Variants in WWOX observed in about 807,000 individuals in gnomAD.
WWOX encodes the protein WW domain containing oxidoreductase.
A neutral mutation model predicts 46.2 loss-of-function variants in WWOX; 69 were observed. The ratio of observed to expected loss-of-function variants is 1.49; its 90% CI spans 1.23 to 1.82. The LOEUF is 1.82. Ranked by LOEUF, WWOX falls within the 40% of genes most tolerant of loss-of-function variation. The pLI, the probability that WWOX is intolerant of heterozygous loss-of-function variation, is 0.00. For synonymous variants in WWOX, 359 were observed against 202.6 expected, an observed-to-expected ratio of 1.77 and a Z score of -6.56; for missense variants, 919 against 542.6, an observed-to-expected ratio of 1.69 and a Z score of -6.89.
At chr16:79,022,233 A>G (rs772660982) in intron 8 of WWOX, among the ~76,000 whole-genome samples, 80 of 151,086 alleles carry the variant, frequency 5.3e-4, no homozygotes, top group African/African-American at 1.7e-3. Flanking sequence ...TCAGCGCCCA[A>G]TGGGCTGGGA....
At chr16:78,494,699 G>C (rs2084867436) in intron 8 of WWOX, among the ~76,000 whole-genome samples, 1 of 152,114 alleles carries the variant, frequency 6.6e-6, no homozygotes, top group South Asian at 2.1e-4. Context: ...CATTTTTTGA[G>C]GAAAATAAAT....
intron 8 of WWOX, among the ~76,000 whole-genome samples, chr16:78,578,694 G>C (rs2044969727): frequency 6.6e-6 from 1 of 152,110 alleles, no homozygotes. Flanking sequence ...TTTATTGCCA[G>C]CTATGGGTCA....
intron 8 of WWOX, among the ~76,000 whole-genome samples, chr16:78,460,602 C>T (rs746737733): frequency 6.6e-6 from 1 of 152,208 alleles, no homozygotes; most frequent in Non-Finnish European, 1.5e-5. Flanking sequence ...CTGAATGACT[C>T]AGACTTGGAG....
chr16:78,653,352 C>G (rs2047007288), intron 8 of WWOX, among the ~76,000 whole-genome samples: 1 of 152,178 alleles, frequency 6.6e-6, no homozygotes, highest in South Asian at 2.1e-4. Context: ...TTTTGCCTTA[C>G]ACTTTTTGTA....
At chr16:78,306,783 C>T (rs929751312) in intron 5 of WWOX, among the ~76,000 whole-genome samples, 1 of 151,930 alleles carries the variant, frequency 6.6e-6, no homozygotes, top group Non-Finnish European at 1.5e-5. Flanking sequence ...TCACTCCTTC[C>T]CACAATCCCC....
chr16:78,860,718 C>G (rs913265854), intron 8 of WWOX, among the ~76,000 whole-genome samples: 1 of 152,204 alleles, frequency 6.6e-6, no homozygotes, highest in Non-Finnish European at 1.5e-5. Flanking sequence ...CGCTTTAGTG[C>G]TCTGCTGCAC....
At chr16:78,707,190 T>TTA (rs1192562015) in intron 8 of WWOX, among the ~76,000 whole-genome samples, 1 of 152,184 alleles carries the variant, frequency 6.6e-6, no homozygotes, top group Admixed American at 6.5e-5. Context: ...CTACCTTCTT[T>TTA]TACCACCCCT....
intron 8 of WWOX, among the ~76,000 whole-genome samples, chr16:78,922,009 C>A (rs78530560): frequency 1.3e-5 from 2 of 152,174 alleles, no homozygotes; most frequent in Non-Finnish European, 2.9e-5. Context: ...TGTCCTCTAC[C>A]CATGACATCA....
intron 8 of WWOX, among the ~76,000 whole-genome samples, chr16:78,659,093 A>G (rs1029100715): frequency 6.8e-6 from 1 of 147,710 alleles, no homozygotes; most frequent in Non-Finnish European, 1.5e-5. Flanking sequence ...ATCCGTCTCA[A>G]AAAAAAACAA....
chr16:79,095,920 G>A (rs1224389257), intron 8 of WWOX, among the ~76,000 whole-genome samples: 1 of 138,952 alleles, frequency 7.2e-6, no homozygotes, highest in Admixed American at 7.7e-5. Context: ...GCATGATCTA[G>A]CTCACTGCAA....
intron 8 of WWOX, among the ~76,000 whole-genome samples, chr16:78,841,145 T>G (rs1453551816): frequency 6.6e-6 from 1 of 152,168 alleles, no homozygotes; most frequent in African/African-American, 2.4e-5. Context: ...TCCCTGTGCT[T>G]ATACAGATAC....
At chr16:78,993,739 T>G (rs1181526910) in intron 8 of WWOX, among the ~76,000 whole-genome samples, 1 of 152,146 alleles carries the variant, frequency 6.6e-6, no homozygotes, top group Non-Finnish European at 1.5e-5. Flanking sequence ...GTGCTAATAT[T>G]TATATAACAC....
intron 5 of WWOX, among the ~76,000 whole-genome samples, chr16:78,282,735 G>A (rs183871031): frequency 6.6e-5 from 10 of 152,080 alleles, no homozygotes; most frequent in East Asian, 5.8e-4. Flanking sequence ...AAAATTAGCC[G>A]GGAGTGGTGG....
chr16:78,600,881 G>C lies in WWOX; in HGVS notation c.1056+168129G>C, dbSNP rs551431509. ...CTAGAATCCTCTGCCTATCGTGACA[G>C]GGAGAAGCCTGTGTGACCCTGTGGC... On this transcript the variant is annotated intron_variant, in intron 8 of 8. Coordinates refer to ENST00000566780, the MANE Select transcript of WWOX (RefSeq NM_016373.4). Among the ~76,000 whole-genome samples the C allele has an allele frequency of 7.4e-4, 113 of 152,260 alleles. 1 individual carries two copies. The highest frequency in any genetic ancestry group is 2.6e-3 in the African/African-American group (109 of 41,554).
chr16:78,500,409 C>T (rs1877274), intron 8 of WWOX, among the ~76,000 whole-genome samples: 29 of 22,998 alleles, frequency 1.3e-3, no homozygotes, highest in Middle Eastern at 0.045. Context: ...TTCTTCTTTC[C>T]TTCCTTCCTT....
chr16:78,219,056 G>C (rs1037753759), intron 5 of WWOX, among the ~76,000 whole-genome samples: 1 of 152,154 alleles, frequency 6.6e-6, no homozygotes, highest in African/African-American at 2.4e-5. Context: ...ACAAGATCTT[G>C]GTGAGATAAA....
At chr16:78,622,046 C>T (rs1016447930) in intron 8 of WWOX, among the ~76,000 whole-genome samples, 1 of 152,162 alleles carries the variant, frequency 6.6e-6, no homozygotes, top group Non-Finnish European at 1.5e-5. Context: ...CAGTTGTTAG[C>T]TGCTGAAGTT....
chr16:78,207,035 G>A (rs575898137), intron 5 of WWOX, among the ~76,000 whole-genome samples: 46 of 152,312 alleles, frequency 3.0e-4, no homozygotes, highest in Non-Finnish European at 5.1e-4. Context: ...GGCATGCAAA[G>A]GTGAAGTAAT....
At chr16:78,386,270 C>G (rs532463131) in intron 5 of WWOX, among the ~76,000 whole-genome samples, 177 of 152,338 alleles carry the variant, frequency 1.2e-3, no homozygotes, top group African/African-American at 4.2e-3. Context: ...ATTATTATTC[C>G]TATCACCAGC....
Sources: gnomAD v4.1 joint callset for allele counts (sites outside exome capture counted in the v4.1 genomes callset) on GRCh38, gnomAD v4.1.1 for gene constraint, MANE v1.5 for transcripts, NCBI Gene and HGNC (gene_info 2026-07-23, HGNC 2026-07-21) for gene names.